GALNT13: variants seen among roughly 807,000 people sequenced by gnomAD.
The protein encoded by GALNT13 is polypeptide N-acetylgalactosaminyltransferase 13, also known as UDP-GalNAc:polypeptide N-acetylgalactosaminyltransferase 13.
GALNT13 carries 28 observed loss-of-function variants against 64.2 expected under a neutral mutation model. The observed-to-expected ratio is 0.44, with a 90% CI of 0.32 to 0.60. GALNT13 has a LOEUF of 0.60. Among genes scored for constraint, GALNT13 ranks in the 20% least tolerant of loss-of-function variants. GALNT13 has a pLI of 0.05. For missense variants in GALNT13, 577 were observed against 669.8 expected, an observed-to-expected ratio of 0.86 and a Z score of 1.53; for synonymous variants, 214 against 224.6, an observed-to-expected ratio of 0.95 and a Z score of 0.42.
intron 8 of GALNT13, among the ~76,000 whole-genome samples, chr2:154,273,438 GGAGA>G (rs781021607): frequency 2.6e-5 from 4 of 152,196 alleles, no homozygotes; most frequent in Non-Finnish European, 5.9e-5. Context: ...GGGAGGGTTA[GGAGA>G]GAGGTCATCC....
chr2:153,531,273 G>A, the GALNT13 span, among the ~76,000 whole-genome samples: 1 of 152,136 alleles, frequency 6.6e-6, no homozygotes, highest in African/African-American at 2.4e-5. Flanking sequence ...CTCAGCTTCT[G>A]GGGAAGCCTC....
At chr2:153,345,703 C>CTTTCTTTT in the GALNT13 span, among the ~76,000 whole-genome samples, 1 of 65,774 alleles carries the variant, frequency 1.5e-5, no homozygotes, top group Non-Finnish European at 3.4e-5. Context: ...TTCTTTCTTT[C>CTTTCTTTT]TCTTTCTCTC....
chr2:154,396,334 A>C (rs1699050441), intron 10 of GALNT13, among the ~76,000 whole-genome samples: 1 of 151,518 alleles, frequency 6.6e-6, no homozygotes. Context: ...ACATTGAACA[A>C]AAAAAAAATT....
chr2:153,533,510 C>G, the GALNT13 span, among the ~76,000 whole-genome samples: 1,768 of 152,056 alleles, frequency 0.012, 45 homozygotes, highest in African/African-American at 0.041. Flanking sequence ...CTCATCCTCC[C>G]AAAGTGCTGG....
At chr2:154,261,037 T>C (rs995194509) in intron 8 of GALNT13, among the ~76,000 whole-genome samples, 3 of 152,086 alleles carry the variant, frequency 2.0e-5, no homozygotes, top group Admixed American at 2.0e-4. Flanking sequence ...ATCTAACTGG[T>C]TGAAAGTAGA....
chr2:153,620,751 T>C, the GALNT13 span, among the ~76,000 whole-genome samples: 2 of 152,146 alleles, frequency 1.3e-5, no homozygotes, highest in Non-Finnish European at 2.9e-5. Flanking sequence ...TTCTCCTGGA[T>C]TGATCACTGG....
chr2:153,807,979 C>G, the GALNT13 span, among the ~76,000 whole-genome samples: 5 of 152,032 alleles, frequency 3.3e-5, no homozygotes, highest in African/African-American at 1.2e-4. Flanking sequence ...AACCTGAAAC[C>G]ACTTTCAACT....
At chr2:153,904,256 G>A (rs531345299) in intron 2 of GALNT13, among the ~76,000 whole-genome samples, 138 of 151,684 alleles carry the variant, frequency 9.1e-4, no homozygotes, top group Non-Finnish European at 1.4e-3. Flanking sequence ...CTAGGTTTGG[G>A]CCATTACCCA....
chr2:153,648,353 A>T, the GALNT13 span, among the ~76,000 whole-genome samples: 1 of 152,180 alleles, frequency 6.6e-6, no homozygotes, highest in Non-Finnish European at 1.5e-5. Context: ...TTATCAGCTT[A>T]AGGAGATTTG....
At chr2:153,350,328 C>A in the GALNT13 span, among the ~76,000 whole-genome samples, 71,335 of 151,134 alleles carry the variant, frequency 0.47, 17,893 homozygotes, top group Non-Finnish European at 0.56. Context: ...CTTTTTATAG[C>A]TGCATGCATC....
the GALNT13 span, chr2:153,478,575 G>C: frequency 3.2e-5 from 49 of 1,547,030 alleles, no homozygotes; most frequent in South Asian, 2.8e-4. Context: ...TCGCAGGAAC[G>C]GGCGGGCGCC....
chr2:154,259,450 CTT>C (rs1433354982), intron 8 of GALNT13, among the ~76,000 whole-genome samples: 1 of 152,104 alleles, frequency 6.6e-6, no homozygotes, highest in Non-Finnish European at 1.5e-5. Flanking sequence ...TATAAAATCA[CTT>C]TGTGTTTTTG....
rs139296364 is a variant in GALNT13, at chr2:154,097,401, C to T, written c.143-42936C>T. Among the ~76,000 whole-genome samples the T allele has an allele frequency of 2.0e-3, 301 of 152,076 alleles. 2 individuals are homozygous for T. In the South Asian group the frequency reaches 0.027, roughly 14 times the overall value. ...TGGGAAGAAAAGTTAATTTTCTGTT[C>T]AGCAACAGATCCTGCTTAAAAGAAA... On this transcript the variant is annotated intron_variant, in intron 3 of 12. Transcript: ENST00000392825.
the GALNT13 span, chr2:153,356,736 A>G: frequency 6.6e-6 from 1 of 151,056 alleles, no homozygotes; most frequent in African/African-American, 2.4e-5. Flanking sequence ...CGAATTGTAT[A>G]CATAGAGGAC....
chr2:153,214,209 G>A, the GALNT13 span, among the ~76,000 whole-genome samples: 3 of 152,224 alleles, frequency 2.0e-5, no homozygotes, highest in South Asian at 2.1e-4. Context: ...GCCCCACAGC[G>A]TACAATACCC....
chr2:153,913,429 T>G (rs1479545002), intron 2 of GALNT13, among the ~76,000 whole-genome samples: 1 of 152,094 alleles, frequency 6.6e-6, no homozygotes, highest in Non-Finnish European at 1.5e-5. Context: ...CCTTCAGAGT[T>G]CAGGTTGGAC....
At chr2:153,805,369 A>C in the GALNT13 span, among the ~76,000 whole-genome samples, 25 of 152,260 alleles carry the variant, frequency 1.6e-4, no homozygotes, top group African/African-American at 5.3e-4. Flanking sequence ...AGAAATTAAA[A>C]TGTGAGCCGC....
At chr2:153,650,489 G>A in the GALNT13 span, among the ~76,000 whole-genome samples, 1 of 152,144 alleles carries the variant, frequency 6.6e-6, no homozygotes, top group Non-Finnish European at 1.5e-5. Context: ...TGTTATGTGT[G>A]AATTTGATCC....
chr2:154,070,537 T>C (rs1238989364), intron 3 of GALNT13, among the ~76,000 whole-genome samples: 3 of 152,064 alleles, frequency 2.0e-5, no homozygotes, highest in South Asian at 4.1e-4. Flanking sequence ...ACAAAATATG[T>C]TAAAATTCAC....
Sources: gnomAD v4.1 joint callset for allele counts (sites outside exome capture counted in the v4.1 genomes callset) on GRCh38, gnomAD v4.1.1 for gene constraint, MANE v1.5 for transcripts, NCBI Gene and HGNC (gene_info 2026-07-23, HGNC 2026-07-21) for gene names.